The following SNAP29 variants were observed in gnomAD, a reference collection of about 807,000 sequenced individuals.
SNAP29 encodes synaptosomal-associated protein 29.
A neutral mutation model predicts 27.9 loss-of-function variants in SNAP29; 13 were observed. That is an observed-to-expected ratio of 0.47 (90% CI 0.30 to 0.74). The LOEUF (loss-of-function observed/expected upper bound fraction) is 0.74. Ranked by LOEUF, SNAP29 falls within the 30% of genes least tolerant of loss-of-function variation. The probability of loss-of-function intolerance (pLI) is 0.06; values close to 1 mark genes in which losing one functional copy is unlikely to be tolerated. For synonymous variants in SNAP29, 119 were observed against 127.1 expected, an observed-to-expected ratio of 0.94 and a Z score of 0.43; for missense variants, 368 against 336.5, an observed-to-expected ratio of 1.09 and a Z score of -0.73.
At chr22:20,863,250 C>A (rs1928373392) in intron 1 of SNAP29, among the ~76,000 whole-genome samples, 1 of 152,150 alleles carries the variant, frequency 6.6e-6, no homozygotes, top group South Asian at 2.1e-4. Flanking sequence ...GCTCTTCCAA[C>A]CCTCAGTGCA....
At chr22:20,860,377 T>C (rs974893235) in intron 1 of SNAP29, among the ~76,000 whole-genome samples, 18 of 150,008 alleles carry the variant, frequency 1.2e-4, no homozygotes, top group Admixed American at 3.3e-4. Flanking sequence ...TTTTCTTTTT[T>C]TTTTTTTTTT....
intron 1 of SNAP29, among the ~76,000 whole-genome samples, chr22:20,867,299 A>T (rs1221161808): frequency 2.0e-5 from 3 of 151,410 alleles, no homozygotes; most frequent in Admixed American, 2.0e-4. Flanking sequence ...TCATTCTCCC[A>T]CGGGAAGTTG....
At chr22:20,887,377 G>T (rs1929042042) in intron 4 of SNAP29, among the ~76,000 whole-genome samples, 2 of 151,788 alleles carry the variant, frequency 1.3e-5, no homozygotes, top group Non-Finnish European at 2.9e-5. Context: ...CTCCTCTCTG[G>T]CTCTTTCCTG....
At chr22:20,887,364 T>A (rs1929041649) in intron 4 of SNAP29, among the ~76,000 whole-genome samples, 1 of 152,086 alleles carries the variant, frequency 6.6e-6, no homozygotes, top group African/African-American at 2.4e-5. Context: ...CCACCTCTTC[T>A]CTCTCCTCTC....
rs1051202394 is a variant in SNAP29 at position 20,870,440 on chromosome 22, G to A, written c.341G>A (p.Ser114Asn). The A allele has an allele frequency of 6.2e-7, 1 of 1,614,200 alleles. No homozygotes were observed. Among genetic ancestry groups the A allele is most frequent in the Non-Finnish European group, 8.5e-7 (1 of 1,180,038 alleles). Residue 114 changes from serine (S) to asparagine (N), a missense_variant, in exon 2 of 5, where the codon AGC (serine) becomes AAC (asparagine). Physicochemically the swap from Ser to Asn is conservative, Grantham distance 46. Transcript: ENST00000215730. ...CAGAAACACATCAATAGCATTAAGAGCGTGTTTGGGGGGCTGGTCAATTAC... is the reference window on the plus strand; with the variant it reads ...CAGAAACACATCAATAGCATTAAGAACGTGTTTGGGGGGCTGGTCAATTAC... ...ISQKHINSIK[S>N]VFGGLVNYFK...
chr22:20,871,764 C>T (rs1217754432), intron 2 of SNAP29, among the ~76,000 whole-genome samples: 3 of 152,044 alleles, frequency 2.0e-5, no homozygotes. Context: ...CGCCCGTAGT[C>T]CCAGCTACTC....
chr22:20,859,352 G>GC lies in SNAP29; in HGVS notation c.237+7dup. 6.3e-7 allele frequency: 1 copy of GC among 1,590,682 alleles called. No individual in the cohort carries two copies. Among genetic ancestry groups the GC allele is most frequent in the South Asian group, 1.1e-5 (1 of 90,620 alleles). On this transcript the variant is annotated splice_donor_region_variant and intron_variant, in intron 1 of 4. Transcript: ENST00000215730. Reference sequence around the variant, plus strand: ...GTTGGGGTCGCCTCTTCCGAGGTGAGCCTGGGGCAGGGCTGGTGTGGACTC... The same window carrying GC: ...GTTGGGGTCGCCTCTTCCGAGGTGAGCCCTGGGGCAGGGCTGGTGTGGACTC...
intron 1 of SNAP29, among the ~76,000 whole-genome samples, chr22:20,860,234 G>A (rs1928238078): frequency 6.6e-6 from 1 of 151,222 alleles, no homozygotes; most frequent in African/African-American, 2.4e-5. Context: ...CGGTGCGCCT[G>A]TAGTCGCAGC....
At chr22:20,873,629 G>C (rs1028646073) in intron 2 of SNAP29, among the ~76,000 whole-genome samples, 7 of 151,900 alleles carry the variant, frequency 4.6e-5, no homozygotes, top group African/African-American at 1.7e-4. Context: ...AGGATCACTT[G>C]ATCCCAGCCT....
chr22:20,867,934 T>C (rs1928498602), intron 1 of SNAP29, among the ~76,000 whole-genome samples: 1 of 152,174 alleles, frequency 6.6e-6, no homozygotes, highest in Admixed American at 6.5e-5. Flanking sequence ...TCCCTCCTAA[T>C]GTGACAGCAG....
At chr22:20,877,226 G>C (rs1263812448) in intron 2 of SNAP29, among the ~76,000 whole-genome samples, 1 of 152,000 alleles carries the variant, frequency 6.6e-6, no homozygotes, top group Non-Finnish European at 1.5e-5. Context: ...TTCAAGACCA[G>C]CCTAGCCAAC....
rs361606 is a variant in SNAP29, at chr22:20,890,758, CAAAAAAAAA to C, written c.*2936_*2944del. 41 of 88,588 alleles carry C rather than the reference CAAAAAAAAA, an allele frequency of 4.6e-4. No homozygotes were observed. The highest frequency in any genetic ancestry group is 4.4e-4 in the Admixed American group (3 of 6,834). 5.5% of individuals were successfully genotyped at this position (88,588 alleles called of 1,614,324 possible). A position where few individuals can be genotyped will look rare whatever the true frequency, so the allele number is the denominator to read the frequency against. On this transcript the variant is annotated 3_prime_UTR_variant, in exon 5 of 5. Transcript: ENST00000215730. ...TGGGCAACAGAGCAAGACTCCGTCT[CAAAAAAAAA>C]AAAAAAAAAAAAATAGTGCACTCTC...
intron 1 of SNAP29, among the ~76,000 whole-genome samples, chr22:20,865,971 A>G (rs753922117): frequency 5.9e-5 from 9 of 152,250 alleles, no homozygotes; most frequent in Non-Finnish European, 1.2e-4. Context: ...GATAACGTGT[A>G]GCCCAAGGCC....
At chr22:20,860,570 C>T (rs1928272784) in intron 1 of SNAP29, among the ~76,000 whole-genome samples, 1 of 151,646 alleles carries the variant, frequency 6.6e-6, no homozygotes, top group African/African-American at 2.4e-5. Flanking sequence ...AGGGTTTTGC[C>T]CCGTTGGCCA....
At chr22:20,867,015 C>T (rs763223629) in intron 1 of SNAP29, among the ~76,000 whole-genome samples, 6 of 152,144 alleles carry the variant, frequency 3.9e-5, no homozygotes, top group Non-Finnish European at 7.3e-5. Flanking sequence ...TCTTGGATTC[C>T]GAGCATTGCA....
intron 2 of SNAP29, 116 bp from the exon 3 acceptor site, chr22:20,880,933 G>A: frequency 1.4e-6 from 1 of 714,654 alleles, no homozygotes; most frequent in East Asian, 2.8e-5. Flanking sequence ...AAGGAGTTTG[G>A]CACAGAGGAG....
At chr22:20,864,730 C>T (rs939293119) in intron 1 of SNAP29, among the ~76,000 whole-genome samples, 8 of 152,226 alleles carry the variant, frequency 5.3e-5, no homozygotes, top group African/African-American at 1.4e-4. Flanking sequence ...TCTACCCCCA[C>T]GCTTCTCAGC....
At chr22:20,871,898 A>G (rs1162496118) in intron 2 of SNAP29, among the ~76,000 whole-genome samples, 2 of 151,950 alleles carry the variant, frequency 1.3e-5, no homozygotes, top group Non-Finnish European at 2.9e-5. Flanking sequence ...AAAAAAATTC[A>G]TGAGATTTTG....
At chr22:20,865,619 G>A (rs1928440155) in intron 1 of SNAP29, among the ~76,000 whole-genome samples, 1 of 152,206 alleles carries the variant, frequency 6.6e-6, no homozygotes, top group Admixed American at 6.5e-5. Flanking sequence ...GGAGGTGTTT[G>A]GGGGTTCCCA....
Sources: allele counts gnomAD v4.1 joint callset (sites outside exome capture counted in the v4.1 genomes callset), GRCh38; gene constraint gnomAD v4.1.1; transcripts MANE v1.5; gene names NCBI Gene and HGNC (gene_info 2026-07-23, HGNC 2026-07-21).